Variants in DOCK1 observed in about 807,000 individuals in gnomAD.
DOCK1 encodes dedicator of cytokinesis protein 1.
In DOCK1, 138 loss-of-function variants were observed where a neutral mutation model predicts 262.7. The observed-to-expected ratio is 0.53, with a 90% confidence interval of 0.46 to 0.61. The LOEUF is 0.61. Ranked by LOEUF, DOCK1 falls within the 20% of genes least tolerant of loss-of-function variation. The pLI, the probability that DOCK1 is intolerant of heterozygous loss-of-function variation, is 0.00. For missense variants in DOCK1, 1,908 were observed against 2,370.7 expected (o/e 0.80, Z 4.05); for synonymous variants, 866 against 867.4 (o/e 1.00, Z 0.03).
rs4751414 is a variant in DOCK1 at position 127,452,233 on chromosome 10, C to T, written c.*806C>T. Reference sequence around the variant, plus strand: ...CTTGTTTTAATTTTTGTGGTCCTTCCGTTTATTATAATAGGCGTCCACCAA... The same window carrying T: ...CTTGTTTTAATTTTTGTGGTCCTTCTGTTTATTATAATAGGCGTCCACCAA... On this transcript the variant is annotated 3_prime_UTR_variant, in exon 52 of 52. Coordinates refer to ENST00000623213, the MANE Select transcript of DOCK1 (RefSeq NM_001290223.2). 133,710 of 152,478 alleles carry T rather than the reference C, an allele frequency of 0.88. 60,261 individuals are homozygous for T. Among genetic ancestry groups the T allele is most frequent in the Non-Finnish European group, 0.97 (66,262 of 68,032 alleles). 9.4% of individuals were successfully genotyped at this position (152,478 alleles called of 1,614,324 possible).
At chr10:126,937,513 G>GGT (rs1554958324) in intron 1 of DOCK1, among the ~76,000 whole-genome samples, 5 of 145,092 alleles carry the variant, frequency 3.4e-5, no homozygotes, top group Admixed American at 1.4e-4. Context: ...GTTATTTTCT[G>GGT]TTTTTTTTTT....
chr10:127,244,900 AG>A (rs1265234363), intron 27 of DOCK1, among the ~76,000 whole-genome samples: 1 of 152,170 alleles, frequency 6.6e-6, no homozygotes, highest in Non-Finnish European at 1.5e-5. Flanking sequence ...TTCATTTAGG[AG>A]TCATCTCCCA....
chr10:127,238,368 T>C (rs1358515103), intron 27 of DOCK1, among the ~76,000 whole-genome samples: 1 of 152,184 alleles, frequency 6.6e-6, no homozygotes, highest in Non-Finnish European at 1.5e-5. Context: ...TGTTTTCAGA[T>C]TGAGTGAGTG....
At chr10:127,332,348 T>C (rs184377252) in intron 29 of DOCK1, among the ~76,000 whole-genome samples, 28 of 152,334 alleles carry the variant, frequency 1.8e-4, no homozygotes, top group African/African-American at 6.3e-4. Context: ...AGGCTTAAGC[T>C]TTTATTGATT....
At chr10:127,080,160 A>C (rs1379624781) in intron 23 of DOCK1, among the ~76,000 whole-genome samples, 1 of 152,110 alleles carries the variant, frequency 6.6e-6, no homozygotes, top group African/African-American at 2.4e-5. Context: ...ACTTCCTAGG[A>C]GAATTAAGTC....
chr10:126,933,158 G>A (rs2034307985), intron 1 of DOCK1, among the ~76,000 whole-genome samples: 1 of 152,088 alleles, frequency 6.6e-6, no homozygotes, highest in Non-Finnish European at 1.5e-5. Context: ...TTCTGTGGAG[G>A]TGTTGAGATT....
rs1240784431 is a variant in DOCK1, at chr10:127,354,696, C to T, written c.3252C>T (p.Gly1084=). 10 of 1,613,812 alleles carry T rather than the reference C, an allele frequency of 6.2e-6. No homozygotes were observed. Among genetic ancestry groups the T allele is most frequent in the Middle Eastern group, 1.6e-4 (1 of 6,084 alleles). ...ACGGAGATATGAGGAGACAGATTGG[C>T]TTTGAAATCAGAGACATGTGGTACA... ...NKYGDMRRQI[G]FEIRDMWYNL... Residue 1084 remains glycine, a synonymous_variant, in exon 32 of 52, where the codon GGC becomes GGT. Coordinates refer to ENST00000623213, the MANE Select transcript of DOCK1 (RefSeq NM_001290223.2).
chr10:127,161,611 A>G (rs1295603788), intron 27 of DOCK1, among the ~76,000 whole-genome samples: 1 of 152,216 alleles, frequency 6.6e-6, no homozygotes, highest in East Asian at 1.9e-4. Flanking sequence ...GATGTCGAAC[A>G]GGGGTGAGTG....
At chr10:127,202,277 C>A (rs374542362) in intron 27 of DOCK1, among the ~76,000 whole-genome samples, 2 of 151,516 alleles carry the variant, frequency 1.3e-5, no homozygotes, top group Non-Finnish European at 2.9e-5. Context: ...GAGCCAAGAT[C>A]GCGCCATGGC....
intron 18 of DOCK1, among the ~76,000 whole-genome samples, chr10:127,036,008 A>AAATC (rs2043574157): frequency 8.2e-6 from 1 of 122,592 alleles, no homozygotes; most frequent in East Asian, 2.2e-4. Flanking sequence ...TCTCAAAAAT[A>AAATC]AATAAATAAA....
chr10:127,297,169 G>T (rs1235211697), intron 29 of DOCK1, among the ~76,000 whole-genome samples: 1 of 152,170 alleles, frequency 6.6e-6, no homozygotes, highest in East Asian at 1.9e-4. Flanking sequence ...AAGAAATGTG[G>T]GTGGACACCA....
chr10:127,191,653 T>C (rs1282190178), intron 27 of DOCK1, among the ~76,000 whole-genome samples: 1 of 152,164 alleles, frequency 6.6e-6, no homozygotes, highest in Non-Finnish European at 1.5e-5. Flanking sequence ...GTGGGGGATC[T>C]CACATCACCA....
intron 47 of DOCK1, among the ~76,000 whole-genome samples, chr10:127,428,648 C>T (rs554511699): frequency 1.2e-3 from 170 of 140,764 alleles, no homozygotes; most frequent in African/African-American, 3.5e-3. Context: ...ATTGGAGTGC[C>T]GTGTGGATTG....
At chr10:127,215,458 C>T (rs2058164712) in intron 27 of DOCK1, among the ~76,000 whole-genome samples, 1 of 152,166 alleles carries the variant, frequency 6.6e-6, no homozygotes, top group African/African-American at 2.4e-5. Context: ...CCACGGATAG[C>T]CGGGGCATCT....
chr10:127,055,815 T>C (rs7923722), intron 22 of DOCK1, among the ~76,000 whole-genome samples: 142,121 of 152,250 alleles, frequency 0.93, 66,345 homozygotes, highest in African/African-American at 0.96. Flanking sequence ...TCCTACCAGG[T>C]TACATAGAAA....
intron 27 of DOCK1, among the ~76,000 whole-genome samples, chr10:127,129,655 C>A (rs559788118): frequency 2.2e-4 from 33 of 152,170 alleles, no homozygotes; most frequent in Non-Finnish European, 5.9e-5. Context: ...GGAGTCGTGC[C>A]GCAGGTGCAC....
At position 127,362,225 on chromosome 10, in the gene DOCK1, A is replaced by G; in HGVS notation, c.3432+13A>G. On this transcript the variant is annotated intron_variant, in intron 33 of 51. Coordinates refer to ENST00000623213, the MANE Select transcript of DOCK1 (RefSeq NM_001290223.2). ...AAGCTTCCAAATGGTAAGGACGTAG[A>G]TGTGCAGCGAGTGGCCGGGGGACAT... 3 of 1,609,464 alleles carry G rather than the reference A, an allele frequency of 1.9e-6. No homozygotes were observed. The highest frequency in any genetic ancestry group is 2.5e-6 in the Non-Finnish European group (3 of 1,177,958).
intron 1 of DOCK1, among the ~76,000 whole-genome samples, chr10:126,938,563 C>T: frequency 6.6e-6 from 1 of 152,186 alleles, no homozygotes; most frequent in East Asian, 1.9e-4. Flanking sequence ...TGAGTTCTTT[C>T]TTAGTCCATT....
At chr10:127,222,371 T>C (rs1184223785) in intron 27 of DOCK1, among the ~76,000 whole-genome samples, 1 of 152,188 alleles carries the variant, frequency 6.6e-6, no homozygotes, top group Non-Finnish European at 1.5e-5. Flanking sequence ...TGGCTTACTC[T>C]CTCTCTCTCA....
Sources: gnomAD v4.1 joint callset for allele counts (sites outside exome capture counted in the v4.1 genomes callset) on GRCh38, gnomAD v4.1.1 for gene constraint, MANE v1.5 for transcripts, NCBI Gene and HGNC (gene_info 2026-07-23, HGNC 2026-07-21) for gene names.